PLEC: variants seen among roughly 807,000 people sequenced by gnomAD.
PLEC encodes hemidesmosomal protein 1.
PLEC carries 216 observed loss-of-function variants against 392.8 expected under a neutral mutation model. The ratio of observed to expected loss-of-function variants is 0.55; its 90% CI spans 0.49 to 0.62. The LOEUF is 0.62. Ranked by LOEUF, PLEC falls within the 20% of genes least tolerant of loss-of-function variation. The pLI, the probability that PLEC is intolerant of heterozygous loss-of-function variation, is 0.00. For synonymous variants in PLEC, 3,621 were observed against 2,980.6 expected (o/e 1.21, Z -7.00); for missense variants, 6,863 against 6,563.4 (o/e 1.05, Z -1.58).
intron 5 of PLEC, 152 bp from the exon 6 acceptor site, chr8:143,936,166 C>A: frequency 1.2e-6 from 1 of 844,428 alleles, no homozygotes; most frequent in East Asian, 2.7e-5. Context: ...GGCTCCAGGG[C>A]CCTTCCCTGT....
rs148212581 is a variant in PLEC at position 143,969,202 on chromosome 8, G to A, written c.70+4201C>T. ...GGGGAGGGTGAGGTGCTGATGGCGC[G>A]GCGATGTGAGCAGCCCTGACAGCGT... On this transcript the variant is annotated intron_variant, in intron 1 of 31. Coordinates refer to the PLEC transcript ENST00000356346. This position sits in a 1 kb window ranked among gnomAD's most constrained non-coding sequence, Gnocchi z 5.1. Among the ~76,000 whole-genome samples, 463 of 152,302 alleles carry A rather than the reference G, an allele frequency of 3.0e-3. 1 individual carries two copies. The highest frequency in any genetic ancestry group is 0.01 in the African/African-American group (419 of 41,560).
upstream of PLEC, among the ~76,000 whole-genome samples, chr8:143,951,872 C>A (rs115499578): frequency 0.037 from 5,585 of 152,094 alleles, 384 homozygotes; most frequent in African/African-American, 0.13. Context: ...TCCACCCCCC[C>A]CTCCCCGCCC....
At chr8:143,956,393 C>T (rs1832596711), upstream of PLEC, among the ~76,000 whole-genome samples, 1 of 152,200 alleles carries the variant, frequency 6.6e-6, no homozygotes, top group Admixed American at 6.5e-5. Context: ...CAAAGCAAGA[C>T]ACCGTCTCTG....
chr8:143,931,221 G>C (rs1164210122), intron 19 of PLEC, among the ~76,000 whole-genome samples: 4 of 152,150 alleles, frequency 2.6e-5, no homozygotes, highest in African/African-American at 9.7e-5. Context: ...TATGGAGATG[G>C]GGGCGGCCCG....
rs553483629 is a variant in PLEC, at chr8:143,929,756, C to T, written c.2813G>A (p.Arg938Gln). Residue 938 changes from arginine (R) to glutamine (Q), a missense_variant, in exon 23 of 32, where the codon CGG (arginine) becomes CAG (glutamine). Transcript: ENST00000345136. ...GAAGCCGCCCGCGTCCTGGCTGTCC[C>T]GCAGGAAGGCCTGGTAGTGCAGCTC... Reference protein sequence around the residue: ...SLELHYQAFLRDSQDAGGFGP... With the variant: ...SLELHYQAFLQDSQDAGGFGP... 46 of 1,599,974 alleles carry T rather than the reference C, an allele frequency of 2.9e-5. No individual in the cohort carries two copies. The highest frequency in any genetic ancestry group is 1.6e-4 in the East Asian group (7 of 44,794).
rs1554695022 is a variant in PLEC, at chr8:143,923,975, T to C, written c.5954A>G (p.Glu1985Gly). 6.3e-7 allele frequency: 1 copy of C among 1,584,872 alleles called. No homozygotes were observed. The highest frequency in any genetic ancestry group is 1.1e-5 in the South Asian group (1 of 89,820). The part of the protein sequence containing the change: ...LAAEEERRRR[E>G]AEERVQKSLA... ...GCTCTTCTGCACGCGCTCCTCAGCC[T>C]CACGGCGCCGCCGCTCCTCCTCCGC... The change falls in exon 31 of 32, where the codon GAG becomes GGG. Residue 1985 changes from glutamate to glycine, a missense_variant. Physicochemically the swap from Glu to Gly is moderately conservative, Grantham distance 98. Transcript: ENST00000345136.
Position 143,916,947 on chromosome 8 carries a change from C to A in PLEC, c.12874G>T (p.Val4292Leu), listed in dbSNP as rs1820764559. The change falls in exon 32 of 32, where the codon GTG becomes TTG. Residue 4292 changes from valine (V) to leucine (L), a missense_variant. Coordinates refer to ENST00000345136, the MANE Select transcript of PLEC (RefSeq NM_201384.3). ...GILDTETLEK[V>L]SITEAMHRNL... The stretch of plus-strand genomic sequence containing the variant: ...CGGTGCATGGCCTCGGTGATGGACA[C>A]CTTCTCCAGCGTCTCCGTGTCCAGG... 6.2e-7 allele frequency: 1 copy of A among 1,612,820 alleles called. No homozygotes were observed. Among genetic ancestry groups the A allele is most frequent in the Non-Finnish European group, 8.5e-7 (1 of 1,179,990 alleles).
At chr8:143,943,649 A>T, upstream of PLEC, 1 of 853,006 alleles carries the variant, frequency 1.2e-6, no homozygotes. Context: ...GGTGGGGTGG[A>T]GGGGCAACAC....
upstream of PLEC, among the ~76,000 whole-genome samples, chr8:143,942,834 G>A (rs1279839927): frequency 2.0e-5 from 3 of 152,260 alleles, no homozygotes; most frequent in South Asian, 2.1e-4. Context: ...GCCCAGGGAG[G>A]AAGGCAGGGC....
chr8:143,943,258 C>T (rs1468539291), upstream of PLEC, among the ~76,000 whole-genome samples: 1 of 152,260 alleles, frequency 6.6e-6, no homozygotes, highest in Non-Finnish European at 1.5e-5. Context: ...CAGGGCCCCG[C>T]CCCATCCTGT....
intron 1 of PLEC, chr8:143,945,042 A>G (rs1831241578): frequency 2.5e-6 from 1 of 396,450 alleles, no homozygotes; most frequent in Non-Finnish European, 4.8e-6. Flanking sequence ...TCCCTGCAGG[A>G]GGCGGTGCAG....
At position 143,922,692 on chromosome 8, in the gene PLEC, TCTCCTCCGCCTGCTTC is replaced by T; in HGVS notation, c.7221_7236del (p.Lys2408SerfsTer16). On this transcript the variant is annotated frameshift_variant, in exon 31 of 32. Transcript: ENST00000345136. LOFTEE classifies it high-confidence loss of function. The stretch of plus-strand genomic sequence containing the variant: ...TCCGTGCGGTGCAGCTTCTCACCGA[TCTCCTCCGCCTGCTTC>T]CGGAAGCGCTGGGCGTCCTCCTCAG... The T allele has an allele frequency of 6.2e-7, 1 of 1,612,866 alleles. No individual in the cohort carries two copies. Among genetic ancestry groups the T allele is most frequent in the Non-Finnish European group, 8.5e-7 (1 of 1,179,872 alleles).
At position 143,919,745 on chromosome 8, in the gene PLEC, C is replaced by A. The variant is rs886044825; in HGVS notation, c.10076G>T (p.Gly3359Val). Residue 3359 changes from glycine to valine, a missense_variant, in exon 32 of 32, where the codon GGC becomes GTC. Gly to Val is a moderately radical substitution (Grantham distance 109). Coordinates refer to ENST00000345136, the MANE Select transcript of PLEC (RefSeq NM_201384.3). ...TLLQGSGCLA[G>V]IYLEDTKEKV... ...CTCCTTGGTGTCCTCCAGGTAGATG[C>A]CGGCGAGGCAGCCACTGCCCTGCAG... is the stretch of plus-strand genomic sequence containing the variant. The A allele has an allele frequency of 6.2e-7, 1 of 1,608,900 alleles. No homozygotes were observed. Among genetic ancestry groups the A allele is most frequent in the Non-Finnish European group, 8.5e-7 (1 of 1,177,464 alleles).
At chr8:143,954,015 C>G, upstream of PLEC, 1 of 965,030 alleles carries the variant, frequency 1.0e-6, no homozygotes, top group Non-Finnish European at 1.4e-6. This position sits in a 1 kb window ranked among gnomAD's most constrained non-coding sequence, Gnocchi z 4.6. Context: ...CCCCGCTAAC[C>G]CCAGCCAGAC....
intron 1 of PLEC, among the ~76,000 whole-genome samples, chr8:143,970,729 T>C (rs1320711650): frequency 6.6e-6 from 1 of 151,982 alleles, no homozygotes; most frequent in African/African-American, 2.4e-5. Context: ...GCCACAACTC[T>C]CTCCTAGAAC....
Position 143,925,083 on chromosome 8 carries a change from G to A in PLEC, c.4846C>T (p.Gln1616Ter). ...LREEAERRAQ[Q>*]QAEAERAREE... is the part of the protein sequence containing the mutation. ...CGCGCCCGCTCGGCCTCGGCCTGCT[G>A]CTGTGCCCGCCGCTCAGCCTCCTCC... The change falls in exon 31 of 32, where the codon CAG (glutamine) becomes TAG (stop). Residue 1616 changes from glutamine (Q) to a stop codon, truncating the protein, a stop_gained. Coordinates refer to ENST00000345136, the MANE Select transcript of PLEC (RefSeq NM_201384.3). LOFTEE classifies it high-confidence loss of function. The A allele has an allele frequency of 1.3e-6, 2 of 1,538,088 alleles. No individual in the cohort carries two copies. Among genetic ancestry groups the A allele is most frequent in the Non-Finnish European group, 1.7e-6 (2 of 1,149,012 alleles).
chr8:143,935,973 C>T lies in PLEC; in HGVS notation c.477G>A (p.Thr159=), dbSNP rs372111720. 224 of 1,612,700 alleles carry T rather than the reference C, an allele frequency of 1.4e-4. 1 individual carries two copies. The highest frequency in any genetic ancestry group is 1.7e-4 in the Non-Finnish European group (200 of 1,179,974). ...ACCACAGCAGCAGCTTCTCCTTGGC[C>T]GTCATGTCCTCCGACTGCCCACTCA... ...IQVSGQSEDM[T]AKEKLLLWSQ... The change falls in exon 6 of 32, where the codon ACG becomes ACA. Residue 159 remains threonine, a synonymous_variant. Coordinates refer to ENST00000345136, the MANE Select transcript of PLEC (RefSeq NM_201384.3).
rs1444612790 is a variant in PLEC, at chr8:143,918,513, C to T, written c.11308G>A (p.Gly3770Ser). Reference sequence around the variant, plus strand: ...TGCTCGGTGTAGGGGTCACGGTAGCCGGTGACCGCCCGCTCAGCCGAGAGC... The same window carrying T: ...TGCTCGGTGTAGGGGTCACGGTAGCTGGTGACCGCCCGCTCAGCCGAGAGC... Reference protein sequence around the residue: ...RLLSAERAVTGYRDPYTEQTI... With the variant: ...RLLSAERAVTSYRDPYTEQTI... The change falls in exon 32 of 32, where the codon GGC (glycine) becomes AGC (serine). Residue 3770 changes from glycine (G) to serine (S), a missense_variant. Transcript: ENST00000345136. 1.9e-5 allele frequency: 31 copies of T among 1,606,232 alleles called. No homozygotes were observed. The highest frequency in any genetic ancestry group is 6.6e-5 in the South Asian group (6 of 90,566).
In PLEC at chr8:143,924,184, GTCC is replaced by G; in HGVS notation, c.5742_5744del (p.Glu1914del). On this transcript the variant is annotated inframe_deletion, in exon 31 of 32. Transcript: ENST00000345136. ...CCACCTGCCGCCGCTGCCTCAGCGT[GTCC>G]TCCACCAGCCCCTTCTGCCGCTCCA... 3 of 1,598,964 alleles carry G rather than the reference GTCC, an allele frequency of 1.9e-6. No homozygotes were observed. Among genetic ancestry groups the G allele is most frequent in the African/African-American group, 1.3e-5 (1 of 75,000 alleles).
Sources: allele counts gnomAD v4.1 joint callset (sites outside exome capture counted in the v4.1 genomes callset), GRCh38; gene constraint gnomAD v4.1.1; non-coding constraint Gnocchi (gnomAD v3.1); transcripts MANE v1.5; gene names NCBI Gene and HGNC (gene_info 2026-07-23, HGNC 2026-07-21).